Variants in PLSCR2 observed in about 807,000 individuals in gnomAD.
PLSCR2 encodes phospholipid scramblase 2.
A neutral mutation model predicts 25.3 loss-of-function variants in PLSCR2; 18 were observed. The ratio of observed to expected loss-of-function variants is 0.71; its 90% CI spans 0.49 to 1.06. PLSCR2 has a LOEUF of 1.06. Among genes scored for constraint, PLSCR2 ranks in the 50% least tolerant of loss-of-function variants. PLSCR2 has a pLI of 0.00. For synonymous variants in PLSCR2, 88 were observed against 87.3 expected, an observed-to-expected ratio of 1.01 and a Z score of -0.04; for missense variants, 243 against 269.5, an observed-to-expected ratio of 0.90 and a Z score of 0.69.
chr3:146,411,470 C>A (rs6440434), intron 2 of PLSCR2, among the ~76,000 whole-genome samples: 20,358 of 152,268 alleles, frequency 0.13, 1,716 homozygotes, highest in Non-Finnish European at 0.2. Context: ...CGCTCTCCTC[C>A]GGAAGACGGT....
intron 6 of PLSCR2, 79 bp from the exon 7 acceptor site, chr3:146,441,900 T>C (rs1228712465): frequency 4.7e-6 from 4 of 850,646 alleles, no homozygotes; most frequent in Middle Eastern, 2.4e-4. Context: ...AGGGATCTGA[T>C]GAAACACAGT....
At chr3:146,406,402 T>C (rs4681320) in intron 2 of PLSCR2, among the ~76,000 whole-genome samples, 79,801 of 151,790 alleles carry the variant, frequency 0.53, 21,256 homozygotes, top group South Asian at 0.71. Context: ...ACTGGCAGAT[T>C]GTGTTGTTCT....
intron 2 of PLSCR2, among the ~76,000 whole-genome samples, chr3:146,408,182 C>CA (rs1170994512): frequency 6.6e-6 from 1 of 152,148 alleles, no homozygotes; most frequent in Non-Finnish European, 1.5e-5. Context: ...AGCTCGCAGA[C>CA]AACTTGGCCA....
chr3:146,398,563 TTTTA>T (rs1422445357), intron 2 of PLSCR2: 30 of 151,256 alleles, frequency 2.0e-4, no homozygotes, highest in Admixed American at 4.6e-4. Context: ...AATAATATTC[TTTTA>T]TTTATCTTTA....
At chr3:146,409,189 C>T (rs1462741680) in intron 2 of PLSCR2, among the ~76,000 whole-genome samples, 1 of 151,976 alleles carries the variant, frequency 6.6e-6, no homozygotes, top group Non-Finnish European at 1.5e-5. Context: ...GCGCTCGTCA[C>T]CTGGAGGGAC....
chr3:146,416,229 C>T (rs539930911), intron 2 of PLSCR2, among the ~76,000 whole-genome samples: 91 of 152,202 alleles, frequency 6.0e-4, no homozygotes, highest in South Asian at 2.1e-4. Flanking sequence ...GGATTACAGG[C>T]GTGAGCCACT....
rs2041451366 is a variant in PLSCR2, at chr3:146,459,785, T to C, written c.57+63A>G. The C allele has an allele frequency of 2.6e-6, 3 of 1,173,260 alleles. No homozygotes were observed. In the East Asian group the frequency reaches 7.1e-5, roughly 28 times the overall value. 72.7% of individuals were successfully genotyped at this position (1,173,260 alleles called of 1,614,324 possible). A position where few individuals can be genotyped will look rare whatever the true frequency, so the allele number is the denominator to read the frequency against. On this transcript the variant is annotated intron_variant, in intron 2 of 6. Coordinates refer to ENST00000610787, the Ensembl canonical transcript of PLSCR2. ...AAGTATCACTTAACCATAATTACTATGGTTCATAAACCAGAAAGAGAGTTT... is the reference window on the plus strand; with the variant it reads ...AAGTATCACTTAACCATAATTACTACGGTTCATAAACCAGAAAGAGAGTTT...
At chr3:146,470,307 G>T (rs565220387) in intron 1 of PLSCR2, among the ~76,000 whole-genome samples, 340 of 152,208 alleles carry the variant, frequency 2.2e-3, no homozygotes, top group Non-Finnish European at 4.2e-3. Flanking sequence ...CATTTTGGGA[G>T]GCCGAGGCAG....
chr3:146,437,408 T>C (rs1046704162), downstream of PLSCR2, among the ~76,000 whole-genome samples: 1 of 152,132 alleles, frequency 6.6e-6, no homozygotes, highest in African/African-American at 2.4e-5. Context: ...GTCCTGGACT[T>C]TTTTTGGTTG....
At chr3:146,471,033 G>A (rs1476296783) in intron 1 of PLSCR2, among the ~76,000 whole-genome samples, 4 of 40,126 alleles carry the variant, frequency 1.0e-4, no homozygotes, top group Non-Finnish European at 1.9e-4. Context: ...GCTACACAGT[G>A]TTTTTGTTTT....
Position 146,467,129 on chromosome 3 carries a change from T to C in PLSCR2, c.-292-6845A>G, listed in dbSNP as rs190184264. Among the ~76,000 whole-genome samples, 10 of 152,332 alleles carry C rather than the reference T, an allele frequency of 6.6e-5. No individual in the cohort carries two copies. In the East Asian group the frequency reaches 1.9e-3, roughly 29 times the overall value. The stretch of plus-strand genomic sequence containing the variant: ...GTGTGTGTACAGGTACACATATGTG[T>C]ACATACATATATCCACATATATGTA... On this transcript the variant is annotated intron_variant, in intron 1 of 8. Transcript: ENST00000336685.
chr3:146,464,169 A>AT (rs2041755411), upstream of PLSCR2, among the ~76,000 whole-genome samples: 1 of 152,230 alleles, frequency 6.6e-6, no homozygotes, highest in Non-Finnish European at 1.5e-5. Flanking sequence ...TATAAGGTGA[A>AT]CAATAAGCTA....
rs748640044 is a variant in PLSCR2, at chr3:146,458,495, T to G, written c.58-42A>C. 5 of 1,303,432 alleles carry G rather than the reference T, an allele frequency of 3.8e-6. No individual in the cohort carries two copies. In the Admixed American group the frequency reaches 1.5e-4, roughly 39 times the overall value. 80.7% of individuals were successfully genotyped at this position (1,303,432 alleles called of 1,614,324 possible). Reference sequence around the variant, plus strand: ...AAAATGAAGTTGTATGTCAAATATTTTATAGAGAACTAATTACTATTCATG... The same window carrying G: ...AAAATGAAGTTGTATGTCAAATATTGTATAGAGAACTAATTACTATTCATG... On this transcript the variant is annotated intron_variant, in intron 2 of 6. Coordinates refer to ENST00000610787, the Ensembl canonical transcript of PLSCR2.
chr3:146,482,519 C>A (rs1170182593), intron 1 of PLSCR2, among the ~76,000 whole-genome samples: 1 of 152,130 alleles, frequency 6.6e-6, no homozygotes, highest in African/African-American at 2.4e-5. Flanking sequence ...ATCAAAACCA[C>A]AATGAGATAC....
intron 2 of PLSCR2, among the ~76,000 whole-genome samples, chr3:146,422,094 A>G (rs1044730708): frequency 6.6e-6 from 1 of 152,052 alleles, no homozygotes; most frequent in South Asian, 2.1e-4. Context: ...TTAATCTTCT[A>G]TTGGCATCAG....
At chr3:146,459,419 T>C (rs2041421762) in intron 2 of PLSCR2, among the ~76,000 whole-genome samples, 1 of 152,200 alleles carries the variant, frequency 6.6e-6, no homozygotes, top group African/African-American at 2.4e-5. Flanking sequence ...CCCCAGTTCA[T>C]TAGGTTTTTA....
At chr3:146,455,347 C>G (rs202000757) in exon 4 of PLSCR2, 5 of 1,613,462 alleles carry the variant, frequency 3.1e-6, no homozygotes, top group Non-Finnish European at 4.2e-6. Flanking sequence ...AAGGTCTAGA[C>G]CGCCCACAGC....
Position 146,402,670 on chromosome 3 carries a change from A to G in PLSCR2, c.101-6749T>C, listed in dbSNP as rs551534311. 2.6e-5 allele frequency among the ~76,000 whole-genome samples: 4 copies of G among 152,178 alleles called. No individual in the cohort carries two copies. In the East Asian group the frequency reaches 7.7e-4, roughly 29 times the overall value. ...TTTTTAGTAGAGATGTGATTGCACCATATTGGCCAGGCTGGTCTTGAACTC... is the reference window on the plus strand; with the variant it reads ...TTTTTAGTAGAGATGTGATTGCACCGTATTGGCCAGGCTGGTCTTGAACTC... On this transcript the variant is annotated intron_variant and NMD_transcript_variant, in intron 2 of 3. Transcript: ENST00000463633.
intron 6 of PLSCR2, among the ~76,000 whole-genome samples, chr3:146,448,651 T>A (rs892588669): frequency 1.4e-4 from 22 of 152,180 alleles, no homozygotes; most frequent in African/African-American, 5.1e-4. Context: ...GAGCTTCTTG[T>A]TTAGTTGAAG....
Sources: allele counts gnomAD v4.1 joint callset (sites outside exome capture counted in the v4.1 genomes callset), GRCh38; gene constraint gnomAD v4.1.1; transcripts MANE v1.5; gene names NCBI Gene and HGNC (gene_info 2026-07-23, HGNC 2026-07-21).